Variants in SLC25A21 observed in about 807,000 individuals in gnomAD.
SLC25A21 encodes mitochondrial 2-oxodicarboxylate carrier.
SLC25A21 carries 47 observed loss-of-function variants against 43.8 expected under a neutral mutation model. That is an observed-to-expected ratio of 1.07 (90% confidence interval 0.85 to 1.37). The LOEUF (loss-of-function observed/expected upper bound fraction) is 1.37. Among genes scored for constraint, SLC25A21 ranks in the 40% most tolerant of loss-of-function variants. The pLI is 0.00. For synonymous variants in SLC25A21, 131 were observed against 121.3 expected, an observed-to-expected ratio of 1.08 and a Z score of -0.52; for missense variants, 352 against 350.2, an observed-to-expected ratio of 1.00 and a Z score of -0.04.
At chr14:36,925,664 T>C (rs1158791916) in intron 1 of SLC25A21, among the ~76,000 whole-genome samples, 7 of 152,012 alleles carry the variant, frequency 4.6e-5, no homozygotes, top group Non-Finnish European at 8.8e-5. Context: ...CTAGCCAACA[T>C]GGAGAAACCT....
intron 1 of SLC25A21, among the ~76,000 whole-genome samples, chr14:37,004,240 C>A (rs1594747796): frequency 6.6e-6 from 1 of 152,248 alleles, no homozygotes; most frequent in South Asian, 2.1e-4. Flanking sequence ...TTTCCAAAAG[C>A]AACCTGCAGC....
intron 1 of SLC25A21, among the ~76,000 whole-genome samples, chr14:37,035,612 A>G (rs1440332175): frequency 3.3e-5 from 5 of 152,248 alleles, no homozygotes; most frequent in Non-Finnish European, 7.3e-5. Context: ...TGGGCCCAAG[A>G]CAATAGTGTG....
Position 37,015,640 on chromosome 14 carries a change from T to A in SLC25A21, c.71-140636A>T, listed in dbSNP as rs970583257. 2.2e-3 allele frequency among the ~76,000 whole-genome samples: 336 copies of A among 151,694 alleles called. 2 individuals are homozygous for A. Among genetic ancestry groups the A allele is most frequent in the African/African-American group, 7.8e-3 (321 of 41,236 alleles). On this transcript the variant is annotated intron_variant, in intron 1 of 9. Coordinates refer to ENST00000331299, the MANE Select transcript of SLC25A21 (RefSeq NM_030631.4). ...ACACTGACTTCCACAATGGTTGAAC[T>A]AGTTTACAGTTCCACCAACAGTGTA...
At chr14:37,096,578 T>C (rs1052628329) in intron 1 of SLC25A21, among the ~76,000 whole-genome samples, 18 of 152,172 alleles carry the variant, frequency 1.2e-4, no homozygotes, top group African/African-American at 4.1e-4. Context: ...TTTTCTCCTC[T>C]GTGTATTTTC....
intron 1 of SLC25A21, among the ~76,000 whole-genome samples, chr14:36,909,847 A>T (rs2138610011): frequency 6.6e-6 from 1 of 152,276 alleles, no homozygotes; most frequent in South Asian, 2.1e-4. Context: ...ACAACATGAA[A>T]CAAGGGAATA....
chr14:36,720,243 C>T (rs1277767880), intron 6 of SLC25A21, among the ~76,000 whole-genome samples: 1 of 152,206 alleles, frequency 6.6e-6, no homozygotes, highest in African/African-American at 2.4e-5. Flanking sequence ...CTGTTGTCCT[C>T]GACTGTCCTC....
In SLC25A21 at chr14:36,776,230, C is replaced by CTTTTTTTTTTTTTT. The variant is rs1328087696; in HGVS notation, c.203+37687_203+37688insAAAAAAAAAAAAAA. On this transcript the variant is annotated intron_variant, in intron 3 of 9. Transcript: ENST00000331299. ...ACTGCTTTCTTTTTTCTTTTTCTTTCTTTCTTTCTTTTTTTTTTTTTTTTG... is the reference window on the plus strand; with the variant it reads ...ACTGCTTTCTTTTTTCTTTTTCTTTCTTTTTTTTTTTTTTTTTCTTTCTTTTTTTTTTTTTTTTG... 1.9e-3 allele frequency among the ~76,000 whole-genome samples: 136 copies of CTTTTTTTTTTTTTT among 70,800 alleles called. 32 individuals are homozygous for CTTTTTTTTTTTTTT. Among genetic ancestry groups the CTTTTTTTTTTTTTT allele is most frequent in the East Asian group, 2.9e-3 (7 of 2,430 alleles). 46.4% of individuals were successfully genotyped at this position (70,800 alleles called of 152,430 possible).
chr14:36,824,696 G>C (rs1244782162), intron 2 of SLC25A21, among the ~76,000 whole-genome samples: 3 of 150,334 alleles, frequency 2.0e-5, no homozygotes, highest in Non-Finnish European at 4.4e-5. Flanking sequence ...CTCTAGTTCA[G>C]TGAGTGACCA....
Position 37,122,923 on chromosome 14 carries a change from T to C in SLC25A21, c.70+49358A>G, listed in dbSNP as rs181737274. ...TTGTATGTTTATAAATATAGGTCTA[T>C]ATAGCTGATAACAATTTGCTACTAT... On this transcript the variant is annotated intron_variant, in intron 1 of 9. Coordinates refer to ENST00000331299, the MANE Select transcript of SLC25A21 (RefSeq NM_030631.4). Among the ~76,000 whole-genome samples, 6 of 152,328 alleles carry C rather than the reference T, an allele frequency of 3.9e-5. No individual in the cohort carries two copies. The East Asian group carries it at 1.2e-3, about 29-fold the overall frequency.
intron 7 of SLC25A21, among the ~76,000 whole-genome samples, chr14:36,700,719 C>T (rs1883244713): frequency 6.6e-6 from 1 of 152,192 alleles, no homozygotes; most frequent in African/African-American, 2.4e-5. Flanking sequence ...TGTGTATTTA[C>T]TGAGCCTGAC....
At position 36,816,497 on chromosome 14, in the gene SLC25A21, CT is replaced by C. The variant is rs373274280; in HGVS notation, c.120-2497del. Reference sequence around the variant, plus strand: ...AATGACACATTTAACATATTCTCCTCTTTTTTTTTTTTTTTTTTGAGACAGG... The same window carrying C: ...AATGACACATTTAACATATTCTCCTCTTTTTTTTTTTTTTTTTGAGACAGG... On this transcript the variant is annotated intron_variant, in intron 2 of 9. Transcript: ENST00000331299. Among the ~76,000 whole-genome samples the C allele has an allele frequency of 6.5e-3, 854 of 131,796 alleles. 2 individuals carry two copies. Among genetic ancestry groups the C allele is most frequent in the African/African-American group, 0.013 (454 of 35,920 alleles). 86.5% of individuals were successfully genotyped at this position (131,796 alleles called of 152,430 possible). A position where few individuals can be genotyped will look rare whatever the true frequency, so the allele number is the denominator to read the frequency against.
At chr14:37,128,542 G>GTGTGTGTGTA (rs1594807036) in intron 1 of SLC25A21, among the ~76,000 whole-genome samples, 2 of 79,308 alleles carry the variant, frequency 2.5e-5, no homozygotes, top group East Asian at 2.6e-4. Flanking sequence ...CTCTCTCTGT[G>GTGTGTGTGTA]TGTGTGTGTG....
chr14:36,921,975 T>A lies in SLC25A21; in HGVS notation c.71-46971A>T, dbSNP rs539579739. On this transcript the variant is annotated intron_variant, in intron 1 of 9. Transcript: ENST00000331299. ...GCCTGGCCAACATGGTGAAACCCCA[T>A]CTCTACTAAAAATACAAAAATTAGC... Among the ~76,000 whole-genome samples the A allele has an allele frequency of 2.8e-4, 43 of 151,526 alleles. 1 individual carries two copies. The highest frequency in any genetic ancestry group is 1.0e-3 in the African/African-American group (42 of 41,256).
At position 37,006,839 on chromosome 14, in the gene SLC25A21, A is replaced by T. The variant is rs1594749161; in HGVS notation, c.71-131835T>A. Among the ~76,000 whole-genome samples, 3 of 152,328 alleles carry T rather than the reference A, an allele frequency of 2.0e-5. No individual in the cohort carries two copies. The Middle Eastern group carries it at 0.01, about 518-fold the overall frequency. On this transcript the variant is annotated intron_variant, in intron 1 of 9. Coordinates refer to ENST00000331299, the MANE Select transcript of SLC25A21 (RefSeq NM_030631.4). ...AAATATATTAAATATAGTATTATTC[A>T]TCAAGGGAAACTCTGTTCTTTTTAA... is the stretch of plus-strand genomic sequence containing the variant.
chr14:37,017,280 A>G (rs1960877858), intron 1 of SLC25A21, among the ~76,000 whole-genome samples: 1 of 152,026 alleles, frequency 6.6e-6, no homozygotes, highest in Non-Finnish European at 1.5e-5. Flanking sequence ...CTGTAGGCTT[A>G]CTAAATGGCC....
chr14:37,020,389 C>T (rs1234390771), intron 1 of SLC25A21, among the ~76,000 whole-genome samples: 1 of 150,654 alleles, frequency 6.6e-6, no homozygotes, highest in Non-Finnish European at 1.5e-5. Context: ...TAGTATTTCC[C>T]ATTTAGAGAT....
intron 1 of SLC25A21, among the ~76,000 whole-genome samples, chr14:37,038,838 C>T (rs1427606390): frequency 6.6e-6 from 1 of 152,156 alleles, no homozygotes; most frequent in East Asian, 1.9e-4. Context: ...TTGCTGAAGC[C>T]TGACGTCCTG....
At chr14:37,169,774 A>G (rs1964091105) in intron 1 of SLC25A21, among the ~76,000 whole-genome samples, 2 of 152,142 alleles carry the variant, frequency 1.3e-5, no homozygotes, top group African/African-American at 4.8e-5. Flanking sequence ...AGTGCAATAA[A>G]GATAAAGTTT....
intron 1 of SLC25A21, among the ~76,000 whole-genome samples, chr14:37,167,356 G>C (rs184967091): frequency 4.1e-4 from 63 of 152,234 alleles, no homozygotes. Context: ...CGCAGATTCC[G>C]ATATGGTAGT....
Sources: gnomAD v4.1 joint callset for allele counts (sites outside exome capture counted in the v4.1 genomes callset) on GRCh38, gnomAD v4.1.1 for gene constraint, MANE v1.5 for transcripts, NCBI Gene and HGNC (gene_info 2026-07-23, HGNC 2026-07-21) for gene names.